Variants in ARK2C observed in about 807,000 individuals in gnomAD.
ARK2C encodes arkadia (RNF111) C-terminal like ring finger ubiquitin ligase 2C.
At chr18:46,335,671 GC>G in the ARK2C span, 1 of 156,066 alleles carries the variant, frequency 6.4e-6, no homozygotes, top group Non-Finnish European at 1.4e-5. Context: ...GGGTCGCAGG[GC>G]CAGCGCTTTA....
At chr18:46,427,538 C>T in the ARK2C span, among the ~76,000 whole-genome samples, 4 of 152,340 alleles carry the variant, frequency 2.6e-5, no homozygotes, top group Non-Finnish European at 5.9e-5. Flanking sequence ...CTGACCTGGC[C>T]CTCCCATGCC....
At chr18:46,378,874 C>T in the ARK2C span, among the ~76,000 whole-genome samples, 1 of 152,176 alleles carries the variant, frequency 6.6e-6, no homozygotes, top group East Asian at 1.9e-4. Flanking sequence ...CTATGAAGCA[C>T]CCCGCTATGG....
chr18:46,450,844 AG>A, the ARK2C span: 6 of 1,434,754 alleles, frequency 4.2e-6, no homozygotes, highest in East Asian at 2.3e-5. Context: ...GGAATGGGGC[AG>A]GGGGGTTGTC....
At chr18:46,430,868 C>T in the ARK2C span, among the ~76,000 whole-genome samples, 1 of 151,996 alleles carries the variant, frequency 6.6e-6, no homozygotes, top group Non-Finnish European at 1.5e-5. Flanking sequence ...TTTTTCTAGC[C>T]CTTGCATTAA....
chr18:46,346,944 T>A, the ARK2C span, among the ~76,000 whole-genome samples: 3 of 152,202 alleles, frequency 2.0e-5, no homozygotes, highest in African/African-American at 7.2e-5. Flanking sequence ...GTAGCCTAAC[T>A]GGGGAGACCC....
At chr18:46,408,512 G>A in the ARK2C span, among the ~76,000 whole-genome samples, 1,428 of 152,284 alleles carry the variant, frequency 9.4e-3, 18 homozygotes, top group African/African-American at 0.033. Context: ...ACCAGCAGAG[G>A]GCCATGAGGA....
At chr18:46,383,670 T>C in the ARK2C span, among the ~76,000 whole-genome samples, 1 of 148,404 alleles carries the variant, frequency 6.7e-6, no homozygotes, top group Non-Finnish European at 1.5e-5. Context: ...TTCTCCTGCC[T>C]CAGCCTCCCG....
chr18:46,348,900 C>G, the ARK2C span, among the ~76,000 whole-genome samples: 23 of 144,666 alleles, frequency 1.6e-4, no homozygotes, highest in East Asian at 6.2e-4. Flanking sequence ...CTCTCTCTTT[C>G]TGTGTGTGTG....
chr18:46,390,983 T>C, the ARK2C span, among the ~76,000 whole-genome samples: 4 of 152,222 alleles, frequency 2.6e-5, no homozygotes, highest in African/African-American at 9.6e-5. Flanking sequence ...ATTGGGATTC[T>C]TGAAAACAGC....
At chr18:46,397,477 C>T in the ARK2C span, among the ~76,000 whole-genome samples, 1 of 63,164 alleles carries the variant, frequency 1.6e-5, no homozygotes, top group African/African-American at 6.9e-5. Context: ...TGTGGTCATG[C>T]TGAGGTGTGA....
chr18:46,385,294 G>T, the ARK2C span, among the ~76,000 whole-genome samples: 19 of 152,336 alleles, frequency 1.2e-4, no homozygotes, highest in African/African-American at 4.3e-4. Context: ...CCTGGGAGAT[G>T]AAAGTGGTGG....
the ARK2C span, among the ~76,000 whole-genome samples, chr18:46,373,914 GTTT>G: frequency 6.6e-6 from 1 of 152,022 alleles, no homozygotes. Flanking sequence ...GCAGCTGCCT[GTTT>G]TCCCAGAAGC....
the ARK2C span, among the ~76,000 whole-genome samples, chr18:46,363,324 C>T: frequency 2.2e-4 from 33 of 152,298 alleles, no homozygotes; most frequent in African/African-American, 7.9e-4. Flanking sequence ...AGGTCTTCTA[C>T]CCTGCAGAAG....
the ARK2C span, among the ~76,000 whole-genome samples, chr18:46,400,280 A>C: frequency 6.6e-6 from 1 of 151,898 alleles, no homozygotes; most frequent in Non-Finnish European, 1.5e-5. Context: ...GACTCTCTTT[A>C]CTTGGGCTTG....
chr18:46,378,877 C>T, the ARK2C span, among the ~76,000 whole-genome samples: 34 of 152,290 alleles, frequency 2.2e-4, no homozygotes, highest in East Asian at 4.4e-3. Flanking sequence ...TGAAGCACCC[C>T]GCTATGGTCC....
At chr18:46,444,076 C>G in the ARK2C span, among the ~76,000 whole-genome samples, 1 of 151,844 alleles carries the variant, frequency 6.6e-6, no homozygotes. Flanking sequence ...AGGTGCCATT[C>G]CTTTGTCTTC....
At chr18:46,404,722 C>T in the ARK2C span, among the ~76,000 whole-genome samples, 2,421 of 152,130 alleles carry the variant, frequency 0.016, 36 homozygotes, top group East Asian at 0.094. Flanking sequence ...CGCCACACTC[C>T]AGCCTGGGGC....
chr18:46,428,947 T>C, the ARK2C span, among the ~76,000 whole-genome samples: 1 of 152,176 alleles, frequency 6.6e-6, no homozygotes, highest in Non-Finnish European at 1.5e-5. Flanking sequence ...GACATGCTTA[T>C]CTTCTACTTC....
chr18:46,371,072 C>T, the ARK2C span, among the ~76,000 whole-genome samples: 18 of 152,258 alleles, frequency 1.2e-4, no homozygotes, highest in East Asian at 2.7e-3. Flanking sequence ...AGCAAAGGCA[C>T]GTCTTACATG....
Sources: gnomAD v4.1 joint callset for allele counts (sites outside exome capture counted in the v4.1 genomes callset) on GRCh38, gnomAD v4.1.1 for gene constraint, MANE v1.5 for transcripts, NCBI Gene and HGNC (gene_info 2026-07-23, HGNC 2026-07-21) for gene names.